The following CHD5 variants were observed in gnomAD, a reference collection of about 807,000 sequenced individuals.
CHD5 encodes the protein ATP-dependent chromatin remodeler CHD5.
In CHD5, 69 loss-of-function variants were observed where a neutral mutation model predicts 230.3. That is an observed-to-expected ratio of 0.30 (90% confidence interval 0.25 to 0.37). The LOEUF (loss-of-function observed/expected upper bound fraction) is 0.37, where lower values mean the gene tolerates loss of function less well. Among genes scored for constraint, CHD5 ranks in the 10% least tolerant of loss-of-function variants. CHD5 has a pLI of 1.00. For synonymous variants in CHD5, 1,064 were observed against 1,065.9 expected (o/e 1.00, Z 0.03); for missense variants, 1,827 against 2,622.8 (o/e 0.70, Z 6.63).
chr1:6,120,731 C>G (rs976233674), intron 33 of CHD5, among the ~76,000 whole-genome samples: 2 of 151,948 alleles, frequency 1.3e-5, no homozygotes, highest in African/African-American at 4.8e-5. Flanking sequence ...GATGAAATCT[C>G]GTCTCTACTA....
In CHD5 at chr1:6,105,041, G is replaced by C. The variant is rs1666138475; in HGVS notation, c.*433C>G. 1 of 263,964 alleles carries C rather than the reference G, an allele frequency of 3.8e-6. No homozygotes were observed. Among genetic ancestry groups the C allele is most frequent in the Non-Finnish European group, 7.4e-6 (1 of 134,770 alleles). 16.4% of individuals were successfully genotyped at this position (263,964 alleles called of 1,614,324 possible). A position where few individuals can be genotyped will look rare whatever the true frequency, so the allele number is the denominator to read the frequency against. ...ACAGGGCAGTGCCAGGACTACCTTG[G>C]GTCTGGAACCCATCGGTAAAGAGAC... On this transcript the variant is annotated 3_prime_UTR_variant, in exon 42 of 42. Coordinates refer to ENST00000262450, the MANE Select transcript of CHD5 (RefSeq NM_015557.3). This position sits in a 1 kb window ranked among gnomAD's most constrained non-coding sequence, Gnocchi z 4.8.
chr1:6,164,531 TAACA>T (rs1667224154), intron 2 of CHD5, among the ~76,000 whole-genome samples: 1 of 152,138 alleles, frequency 6.6e-6, no homozygotes, highest in Non-Finnish European at 1.5e-5. Flanking sequence ...CTCCCCCCAC[TAACA>T]AACTGCTGCT....
intron 1 of CHD5, among the ~76,000 whole-genome samples, chr1:6,170,165 C>T (rs1334975784): frequency 1.3e-5 from 2 of 152,076 alleles, no homozygotes; most frequent in East Asian, 1.9e-4. Flanking sequence ...CCTGGTGACC[C>T]CTGGGTCACC....
chr1:6,112,831 TG>T, intron 34 of CHD5, 77 bp downstream of exon 34: 1 of 1,067,394 alleles, frequency 9.4e-7, no homozygotes, highest in Non-Finnish European at 1.4e-6. Flanking sequence ...TGGGAGACTG[TG>T]GGAGGCTGAA....
At position 6,113,011 on chromosome 1, in the gene CHD5, G is replaced by A. The variant is rs369684626; in HGVS notation, c.4913-13C>T. Reference sequence around the variant, plus strand: ...GGAAGCACCTCCTCTGCAAGAAAAAGAGGGTTCGCGGCATGGGGTGGGGTC... The same window carrying A: ...GGAAGCACCTCCTCTGCAAGAAAAAAAGGGTTCGCGGCATGGGGTGGGGTC... On this transcript the variant is annotated splice_polypyrimidine_tract_variant and intron_variant, in intron 33 of 41. Coordinates refer to ENST00000262450, the MANE Select transcript of CHD5 (RefSeq NM_015557.3). 3.2e-4 allele frequency: 510 copies of A among 1,595,188 alleles called. No homozygotes were observed. The highest frequency in any genetic ancestry group is 4.1e-4 in the Non-Finnish European group (478 of 1,163,402).
rs1666467053 is a variant in CHD5, at chr1:6,121,312, G to A, written c.4780-75C>T. On this transcript the variant is annotated intron_variant, in intron 32 of 41. Coordinates refer to ENST00000262450, the MANE Select transcript of CHD5 (RefSeq NM_015557.3). The surrounding 1 kb of genome is among the most constrained non-coding windows in gnomAD (Gnocchi z 4.5). The stretch of plus-strand genomic sequence containing the variant: ...ACGGAGGGCGGGGAACGTGCGCTGG[G>A]CTGGGAACCCAGTCTCCTGGCTCCC... The A allele has an allele frequency of 3.2e-6, 5 of 1,565,662 alleles. No homozygotes were observed. In the South Asian group the frequency reaches 4.7e-5, roughly 15 times the overall value.
intron 33 of CHD5, among the ~76,000 whole-genome samples, chr1:6,120,063 G>A (rs1272876944): frequency 6.6e-6 from 1 of 151,994 alleles, no homozygotes; most frequent in East Asian, 1.9e-4. Context: ...GTTTCGCCAT[G>A]TTGGCCAGGC....
At chr1:6,106,086 G>A (rs185091093) in intron 41 of CHD5, 148 bp downstream of exon 41, 35 of 697,118 alleles carry the variant, frequency 5.0e-5, no homozygotes, top group African/African-American at 4.8e-4. Flanking sequence ...GCTCCAGGCA[G>A]GTGGGTGGCT....
intron 15 of CHD5, among the ~76,000 whole-genome samples, chr1:6,137,269 A>G (rs141856863): frequency 3.9e-5 from 6 of 151,984 alleles, no homozygotes; most frequent in Non-Finnish European, 7.4e-5. Context: ...TACCACACCC[A>G]GCTAATTTTT....
In CHD5 at chr1:6,121,408, C is replaced by A. The variant is rs544540352; in HGVS notation, c.4779+86G>T. On this transcript the variant is annotated intron_variant, in intron 32 of 41. Coordinates refer to ENST00000262450, the MANE Select transcript of CHD5 (RefSeq NM_015557.3). The surrounding 1 kb of genome is among the most constrained non-coding windows in gnomAD (Gnocchi z 4.5). ...AGGGAGCCAGGAGGCCTGGGTTCCA[C>A]CTCGCTGTACAGGGCCTGAGAAGGT... 7.2e-5 allele frequency: 107 copies of A among 1,485,100 alleles called. No homozygotes were observed. Among genetic ancestry groups the A allele is most frequent in the Admixed American group, 5.4e-4 (29 of 53,400 alleles). The allele number at this position is 1,485,100 out of a possible 1,614,324, so 92.0% of individuals were successfully genotyped here.
In CHD5 at chr1:6,128,998, C is replaced by T. The variant is rs140567383; in HGVS notation, c.3459G>A (p.Ser1153=). 7.6e-4 allele frequency: 1,232 copies of T among 1,612,010 alleles called. No individual in the cohort carries two copies. The highest frequency in any genetic ancestry group is 9.4e-4 in the Non-Finnish European group (1,114 of 1,179,894). Residue 1153 remains serine (S), a synonymous_variant, in exon 23 of 42, where the codon TCG becomes TCA. Transcript: ENST00000262450. This position sits in a 1 kb window ranked among gnomAD's most constrained non-coding sequence, Gnocchi z 7.8. ...VMIYRFVTRA[S]VEERITQVAK... is the part of the protein sequence containing the mutation. ...CCACCTGCGTGATGCGCTCCTCCACCGAGGCCCGAGTCACGAAGCGGTAGA... is the reference window on the plus strand; with the variant it reads ...CCACCTGCGTGATGCGCTCCTCCACTGAGGCCCGAGTCACGAAGCGGTAGA...
Position 6,131,780 on chromosome 1 carries a change from CAAG to C in CHD5, c.3145-35_3145-33del. On this transcript the variant is annotated intron_variant, in intron 20 of 41. Coordinates refer to ENST00000262450, the MANE Select transcript of CHD5 (RefSeq NM_015557.3). The surrounding 1 kb of genome is among the most constrained non-coding windows in gnomAD (Gnocchi z 5.0). ...GGGAGACGGGCACGTGAGGAACTGC[CAAG>C]GAGCAAGGGGCCCCATGGGCCATGG... 1 of 1,471,234 alleles carries C rather than the reference CAAG, an allele frequency of 6.8e-7. No homozygotes were observed. The highest frequency in any genetic ancestry group is 9.5e-7 in the Non-Finnish European group (1 of 1,053,142). 91.1% of individuals were successfully genotyped at this position (1,471,234 alleles called of 1,614,324 possible). A position where few individuals can be genotyped will look rare whatever the true frequency, so the allele number is the denominator to read the frequency against.
intron 9 of CHD5, 130 bp downstream of exon 9, chr1:6,148,724 A>T: frequency 1.5e-6 from 1 of 645,800 alleles, no homozygotes; most frequent in Non-Finnish European, 2.4e-6. Context: ...GCTTTGCGGG[A>T]TCGGCTACCG....
intron 38 of CHD5, among the ~76,000 whole-genome samples, chr1:6,107,815 T>C (rs111063517): frequency 0.22 from 22,558 of 104,480 alleles, 2,542 homozygotes; most frequent in East Asian, 0.44. Flanking sequence ...GGAGGAATAA[T>C]GGAGGGATGG....
intron 38 of CHD5, among the ~76,000 whole-genome samples, chr1:6,107,113 G>C (rs1571134944): frequency 6.9e-6 from 1 of 144,628 alleles, no homozygotes; most frequent in Non-Finnish European, 1.5e-5. Flanking sequence ...GGGGTGGAAG[G>C]ACGGAGGGAT....
At chr1:6,174,726 T>G (rs1387543630) in intron 1 of CHD5, among the ~76,000 whole-genome samples, 1 of 146,304 alleles carries the variant, frequency 6.8e-6, no homozygotes, top group Admixed American at 6.7e-5. Context: ...GGATGGATGG[T>G]GAATAAGTGG....
In CHD5 at chr1:6,154,617, C is replaced by T. The variant is rs1270037316; in HGVS notation, c.745+43G>A. 4 of 1,513,766 alleles carry T rather than the reference C, an allele frequency of 2.6e-6. No homozygotes were observed. Among genetic ancestry groups the T allele is most frequent in the African/African-American group, 2.8e-5 (2 of 71,692 alleles). 93.8% of individuals were successfully genotyped at this position (1,513,766 alleles called of 1,614,324 possible). On this transcript the variant is annotated intron_variant, in intron 5 of 41. Coordinates refer to ENST00000262450, the MANE Select transcript of CHD5 (RefSeq NM_015557.3). The surrounding 1 kb of genome is among the most constrained non-coding windows in gnomAD (Gnocchi z 7.0). The stretch of plus-strand genomic sequence containing the variant: ...TTCTCCTATAGGGTCTGAAAGGGAC[C>T]TCTTCCCAGCGGGACTAGGTGCCCA...
Position 6,110,242 on chromosome 1 carries a change from CT to C in CHD5, c.5382+151del. 8 of 764,432 alleles carry C rather than the reference CT, an allele frequency of 1.0e-5. 2 individuals are homozygous for C. Among genetic ancestry groups the C allele is most frequent in the African/African-American group, 1.7e-5 (1 of 58,978 alleles). The allele number at this position is 764,432 out of a possible 1,614,324, so 47.4% of individuals were successfully genotyped here. ...CCAGGGCCAGAGCAAGGATCCACCA[CT>C]GTTAGTTGATGGACATACTGCTGCT... On this transcript the variant is annotated intron_variant, in intron 37 of 41. Coordinates refer to ENST00000262450, the MANE Select transcript of CHD5 (RefSeq NM_015557.3).
intron 2 of CHD5, among the ~76,000 whole-genome samples, chr1:6,165,634 G>T (rs76451670): frequency 0.042 from 6,425 of 152,004 alleles, 143 homozygotes; most frequent in Non-Finnish European, 0.047. Flanking sequence ...AGACAGTCTC[G>T]GTGTCTTCAT....
Sources: gnomAD v4.1 joint callset for allele counts (sites outside exome capture counted in the v4.1 genomes callset) on GRCh38, gnomAD v4.1.1 for gene constraint, Gnocchi (gnomAD v3.1) non-coding constraint, MANE v1.5 for transcripts, NCBI Gene and HGNC (gene_info 2026-07-23, HGNC 2026-07-21) for gene names.